The following PPARGC1A variants were observed in gnomAD, a reference collection of about 807,000 sequenced individuals.
PPARGC1A encodes PPARG coactivator 1 alpha.
Under a neutral mutation model 88.7 loss-of-function variants are expected in PPARGC1A, and 25 were observed. The ratio of observed to expected loss-of-function variants is 0.28; its 90% confidence interval spans 0.21 to 0.39. The LOEUF (loss-of-function observed/expected upper bound fraction) is 0.39, where lower values mean the gene tolerates loss of function less well. PPARGC1A is among the 10% of genes least tolerant of loss of function. The probability of loss-of-function intolerance (pLI) is 1.00; values close to 1 mark genes in which losing one functional copy is unlikely to be tolerated. For missense variants in PPARGC1A, 880 were observed against 968.7 expected (o/e 0.91, Z 1.22); for synonymous variants, 363 against 355.6 (o/e 1.02, Z -0.24).
chr4:23,996,290 G>A, the PPARGC1A span, among the ~76,000 whole-genome samples: 3 of 152,120 alleles, frequency 2.0e-5, no homozygotes, highest in Admixed American at 6.5e-5. Flanking sequence ...ATTGAGGAGT[G>A]GTCATGATCC....
chr4:24,223,902 CAT>C, the PPARGC1A span, among the ~76,000 whole-genome samples: 26 of 152,314 alleles, frequency 1.7e-4, no homozygotes, highest in South Asian at 2.1e-3. Flanking sequence ...TGATATTACA[CAT>C]GTGTTAACAG....
intron 2 of PPARGC1A, among the ~76,000 whole-genome samples, chr4:23,865,205 G>A (rs774492190): frequency 3.9e-5 from 6 of 152,090 alleles, no homozygotes; most frequent in Non-Finnish European, 7.4e-5. Flanking sequence ...AAGAGTCACA[G>A]CTTGATCCTT....
the PPARGC1A span, among the ~76,000 whole-genome samples, chr4:24,341,557 A>G: frequency 1.3e-5 from 2 of 152,222 alleles, no homozygotes. Flanking sequence ...AAAGTTAAGG[A>G]TACTTTAAGA....
At chr4:23,977,448 GATAA>G in the PPARGC1A span, among the ~76,000 whole-genome samples, 1 of 152,212 alleles carries the variant, frequency 6.6e-6, no homozygotes. Flanking sequence ...ATCTCACTGT[GATAA>G]ACAGACAACA....
At chr4:23,994,505 G>A in the PPARGC1A span, among the ~76,000 whole-genome samples, 1 of 152,108 alleles carries the variant, frequency 6.6e-6, no homozygotes, top group Non-Finnish European at 1.5e-5. Context: ...GAGAAGGGGG[G>A]GCGGTGAGAA....
At chr4:23,925,564 G>T in the PPARGC1A span, among the ~76,000 whole-genome samples, 1 of 152,152 alleles carries the variant, frequency 6.6e-6, no homozygotes, top group African/African-American at 2.4e-5. Context: ...TTTCATAAAA[G>T]GATGTGAAAA....
chr4:24,176,377 C>T, the PPARGC1A span, among the ~76,000 whole-genome samples: 1 of 152,024 alleles, frequency 6.6e-6, no homozygotes, highest in Non-Finnish European at 1.5e-5. Flanking sequence ...TCCTTGCTGA[C>T]CCATAGTCCT....
chr4:24,439,797 A>G, the PPARGC1A span, among the ~76,000 whole-genome samples: 1 of 152,250 alleles, frequency 6.6e-6, no homozygotes, highest in Non-Finnish European at 1.5e-5. Flanking sequence ...GTTGATGGTT[A>G]TACAAATAGG....
intron 1 of PPARGC1A, among the ~76,000 whole-genome samples, chr4:23,896,003 T>TA (rs1718556685): frequency 6.6e-6 from 1 of 150,558 alleles, no homozygotes; most frequent in Non-Finnish European, 1.5e-5. Context: ...CACACACATA[T>TA]TTATATTTAA....
intron 2 of PPARGC1A, among the ~76,000 whole-genome samples, chr4:23,850,646 A>G (rs1729117332): frequency 6.6e-6 from 1 of 152,226 alleles, no homozygotes; most frequent in Admixed American, 6.5e-5. Context: ...AAGAGTGACA[A>G]TAGCGGTCAT....
chr4:23,854,094 T>G (rs1244965824), intron 2 of PPARGC1A, among the ~76,000 whole-genome samples: 1 of 152,198 alleles, frequency 6.6e-6, no homozygotes, highest in African/African-American at 2.4e-5. Flanking sequence ...TTTATTAGCC[T>G]CAAAGAGTTT....
chr4:24,380,980 TAA>T, the PPARGC1A span, among the ~76,000 whole-genome samples: 71 of 134,296 alleles, frequency 5.3e-4, no homozygotes, highest in Non-Finnish European at 5.3e-4. Context: ...CTGTGTGATT[TAA>T]AAAAAAAAAA....
chr4:24,354,033 T>C, the PPARGC1A span, among the ~76,000 whole-genome samples: 1 of 152,178 alleles, frequency 6.6e-6, no homozygotes, highest in African/African-American at 2.4e-5. Context: ...CTCACCAGCC[T>C]CCTATCAAGG....
At chr4:23,844,840 G>C (rs1263626235) in intron 2 of PPARGC1A, among the ~76,000 whole-genome samples, 7 of 119,988 alleles carry the variant, frequency 5.8e-5, no homozygotes, top group African/African-American at 1.9e-4. Context: ...TATAATATAT[G>C]ATATATATTA....
chr4:23,818,376 G>A (rs1722362759), intron 7 of PPARGC1A, among the ~76,000 whole-genome samples: 1 of 152,122 alleles, frequency 6.6e-6, no homozygotes. Flanking sequence ...TCAGACTATA[G>A]CTTTTTTATT....
At chr4:24,421,511 C>T in the PPARGC1A span, among the ~76,000 whole-genome samples, 1 of 152,040 alleles carries the variant, frequency 6.6e-6, no homozygotes, top group Admixed American at 6.5e-5. Context: ...CGGGGTTTCA[C>T]CGTGTTAGCC....
At chr4:23,944,385 T>C in the PPARGC1A span, among the ~76,000 whole-genome samples, 2 of 152,194 alleles carry the variant, frequency 1.3e-5, no homozygotes, top group Non-Finnish European at 2.9e-5. Context: ...AGAGCACAGA[T>C]CCCACGTATT....
At chr4:24,091,392 C>G in the PPARGC1A span, 1 of 937,688 alleles carries the variant, frequency 1.1e-6, no homozygotes, top group Non-Finnish European at 1.3e-6. Flanking sequence ...AATTGATGTA[C>G]GCATATTACC....
chr4:23,868,352 C>A (rs899293686), intron 2 of PPARGC1A, among the ~76,000 whole-genome samples: 1 of 152,134 alleles, frequency 6.6e-6, no homozygotes, highest in Non-Finnish European at 1.5e-5. Flanking sequence ...TATAAACCAT[C>A]TCTTGGAGAA....
Sources: allele counts gnomAD v4.1 joint callset (sites outside exome capture counted in the v4.1 genomes callset), GRCh38; gene constraint gnomAD v4.1.1; transcripts MANE v1.5; gene names NCBI Gene and HGNC (gene_info 2026-07-23, HGNC 2026-07-21).